The following CACNA1C variants were observed in gnomAD, a reference collection of about 807,000 sequenced individuals.
CACNA1C encodes the protein voltage-dependent L-type calcium channel subunit alpha-1C.
A neutral mutation model predicts 229.0 loss-of-function variants in CACNA1C; 30 were observed. The observed-to-expected ratio is 0.13, with a 90% CI of 0.10 to 0.18. The LOEUF (loss-of-function observed/expected upper bound fraction) is 0.18. Among genes scored for constraint, CACNA1C ranks in the 10% least tolerant of loss-of-function variants. The pLI, the probability that CACNA1C is intolerant of heterozygous loss-of-function variation, is 1.00. For missense variants in CACNA1C, 1,658 were observed against 2,845.0 expected, an observed-to-expected ratio of 0.58 and a Z score of 9.49; for synonymous variants, 1,114 against 1,132.5, an observed-to-expected ratio of 0.98 and a Z score of 0.33.
chr12:2,305,038 G>A (rs1333198691), intron 3 of CACNA1C, among the ~76,000 whole-genome samples: 1 of 152,200 alleles, frequency 6.6e-6, no homozygotes, highest in Non-Finnish European at 1.5e-5. Context: ...CAGCATCCAT[G>A]CCATCCTGAG....
chr12:2,337,297 A>G (rs2096727756), intron 3 of CACNA1C, among the ~76,000 whole-genome samples: 3 of 152,168 alleles, frequency 2.0e-5, no homozygotes, highest in Admixed American at 2.0e-4. Context: ...ACTAGCCAGG[A>G]CCATTGTTTC....
chr12:2,243,979 T>C (rs1001430209), intron 3 of CACNA1C, among the ~76,000 whole-genome samples: 1 of 152,218 alleles, frequency 6.6e-6, no homozygotes, highest in Non-Finnish European at 1.5e-5. Context: ...AGGCCAACTA[T>C]GTACAACTAT....
chr12:2,399,940 G>A (rs1257882082), intron 3 of CACNA1C, among the ~76,000 whole-genome samples: 1 of 152,190 alleles, frequency 6.6e-6, no homozygotes, highest in Non-Finnish European at 1.5e-5. Flanking sequence ...CTGCCTGTAT[G>A]CACCAGGGGT....
chr12:2,259,788 T>A (rs1322739247), intron 3 of CACNA1C, among the ~76,000 whole-genome samples: 3 of 152,090 alleles, frequency 2.0e-5, no homozygotes. Flanking sequence ...GTAAAATAAT[T>A]AGCCAGGCAT....
At chr12:2,229,817 G>A (rs2064209325) in intron 3 of CACNA1C, among the ~76,000 whole-genome samples, 1 of 152,206 alleles carries the variant, frequency 6.6e-6, no homozygotes, top group Non-Finnish European at 1.5e-5. Context: ...CTGGTTGCAG[G>A]TGAGGGGTCC....
chr12:2,342,627 C>T (rs912626044), intron 3 of CACNA1C, among the ~76,000 whole-genome samples: 1 of 152,206 alleles, frequency 6.6e-6, no homozygotes, highest in African/African-American at 2.4e-5. Flanking sequence ...TAGATAGATT[C>T]GCCTGGATGA....
At chr12:2,200,614 C>T (rs2097554468) in intron 3 of CACNA1C, among the ~76,000 whole-genome samples, 1 of 152,154 alleles carries the variant, frequency 6.6e-6, no homozygotes, top group African/African-American at 2.4e-5. Context: ...TCCCATGAAG[C>T]TTATATTCTG....
chr12:2,064,089 G>A (rs1474381745), intron 1 of CACNA1C, among the ~76,000 whole-genome samples: 4 of 152,098 alleles, frequency 2.6e-5, no homozygotes, highest in Non-Finnish European at 5.9e-5. Flanking sequence ...ACTTTAATTG[G>A]TGTTTCACAA....
Position 2,696,369 on chromosome 12 carries a change from A to G in CACNA1C, c.*5170A>G, listed in dbSNP as rs2097842565. The G allele has an allele frequency of 6.6e-6, 1 of 152,194 alleles. No individual in the cohort carries two copies. The highest frequency in any genetic ancestry group is 6.5e-5 in the Admixed American group (1 of 15,284). The allele number at this position is 152,194 out of a possible 1,614,324, so 9.4% of individuals were successfully genotyped here. A position where few individuals can be genotyped will look rare whatever the true frequency, so the allele number is the denominator to read the frequency against. ...CTAGGTAATTACACAGAGGCTTGAA[A>G]TGTTACATCACCAGAGCCAAGTCCT... On this transcript the variant is annotated 3_prime_UTR_variant, in exon 47 of 47. Coordinates refer to ENST00000399655, the MANE Select transcript of CACNA1C (RefSeq NM_000719.7).
intron 3 of CACNA1C, among the ~76,000 whole-genome samples, chr12:2,365,997 C>T (rs2097709302): frequency 6.6e-6 from 1 of 152,216 alleles, no homozygotes; most frequent in Non-Finnish European, 1.5e-5. Context: ...ATAAAGCATA[C>T]ATGTCCTCCT....
chr12:2,235,087 G>T (rs117924617), intron 3 of CACNA1C, among the ~76,000 whole-genome samples: 1,741 of 152,228 alleles, frequency 0.011, 13 homozygotes, highest in Non-Finnish European at 0.018. Flanking sequence ...CTGCACATCC[G>T]CTCTTCCATT....
intron 3 of CACNA1C, among the ~76,000 whole-genome samples, chr12:2,141,746 G>A (rs546733556): frequency 2.6e-5 from 4 of 151,502 alleles, no homozygotes; most frequent in Non-Finnish European, 5.9e-5. Flanking sequence ...GGAAAGGAGC[G>A]TGGAGACAGC....
At chr12:2,223,626 TTAA>T (rs1202166083) in intron 3 of CACNA1C, 2 of 152,196 alleles carry the variant, frequency 1.3e-5, no homozygotes, top group African/African-American at 2.4e-5. Context: ...TACAGAGGTA[TTAA>T]TCTAGAGTTT....
At chr12:2,109,690 G>A (rs189491216) in intron 1 of CACNA1C, among the ~76,000 whole-genome samples, 7 of 152,336 alleles carry the variant, frequency 4.6e-5, no homozygotes, top group Admixed American at 4.6e-4. Flanking sequence ...GCTGCATGGA[G>A]ATTGGCTTGG....
In CACNA1C at chr12:2,512,469, C is replaced by T. The variant is rs529280355; in HGVS notation, c.1218-343C>T. Among the ~76,000 whole-genome samples, 6 of 152,220 alleles carry T rather than the reference C, an allele frequency of 3.9e-5. No homozygotes were observed. The South Asian group carries it at 6.2e-4, about 16-fold the overall frequency. ...GGAGGTTTTTAGTTACTGCTTGGAA[C>T]GAGTTCCCAGGTCTTCGGAGAACAG... On this transcript the variant is annotated intron_variant, in intron 8 of 46. Coordinates refer to ENST00000399655, the MANE Select transcript of CACNA1C (RefSeq NM_000719.7). This position sits in a 1 kb window ranked among gnomAD's most constrained non-coding sequence, Gnocchi z 4.3.
At chr12:2,061,461 T>G (rs1438976493) in intron 1 of CACNA1C, among the ~76,000 whole-genome samples, 5 of 152,176 alleles carry the variant, frequency 3.3e-5, no homozygotes, top group Admixed American at 6.5e-5. Flanking sequence ...AACCATTGGT[T>G]GAGATGGGCC....
intron 1 of CACNA1C, among the ~76,000 whole-genome samples, chr12:2,006,159 C>T (rs1166728132): frequency 6.6e-6 from 1 of 152,166 alleles, no homozygotes; most frequent in East Asian, 1.9e-4. Flanking sequence ...CCTGTAATCC[C>T]AGCACTTTGG....
chr12:2,097,271 G>A (rs368298349), intron 1 of CACNA1C, among the ~76,000 whole-genome samples: 13 of 152,100 alleles, frequency 8.5e-5, no homozygotes, highest in Non-Finnish European at 1.5e-4. Context: ...TCAGCCTCCC[G>A]TGTAGCTGGG....
chr12:2,173,899 C>T (rs543929879), intron 3 of CACNA1C, among the ~76,000 whole-genome samples: 2 of 152,210 alleles, frequency 1.3e-5, no homozygotes, highest in Middle Eastern at 3.4e-3. Context: ...AATCTCTCTG[C>T]ACTTTTGTTT....
Sources: allele counts gnomAD v4.1 joint callset (sites outside exome capture counted in the v4.1 genomes callset), GRCh38; gene constraint gnomAD v4.1.1; non-coding constraint Gnocchi (gnomAD v3.1); transcripts MANE v1.5; gene names NCBI Gene and HGNC (gene_info 2026-07-23, HGNC 2026-07-21).